The following AMBRA1 variants were observed in gnomAD, a reference collection of about 807,000 sequenced individuals.
The protein encoded by AMBRA1 is autophagy and beclin 1 regulator 1.
In AMBRA1, 47 loss-of-function variants were observed where a neutral mutation model predicts 125.4. The ratio of observed to expected loss-of-function variants is 0.37; its 90% CI spans 0.30 to 0.48. The LOEUF (loss-of-function observed/expected upper bound fraction) is 0.48, where lower values mean the gene tolerates loss of function less well. Ranked by LOEUF, AMBRA1 falls within the 20% of genes least tolerant of loss-of-function variation. The pLI is 0.99. For synonymous variants in AMBRA1, 626 were observed against 655.5 expected (o/e 0.95, Z 0.69); for missense variants, 1,331 against 1,693.4 (o/e 0.79, Z 3.76).
chr11:46,542,544 G>A lies in AMBRA1; in HGVS notation c.1473C>T (p.Asn491=). 6.2e-7 allele frequency: 1 copy of A among 1,613,244 alleles called. No individual in the cohort carries two copies. The highest frequency in any genetic ancestry group is 8.5e-7 in the Non-Finnish European group (1 of 1,180,034). The change falls in exon 7 of 18, where the codon AAC becomes AAT. Residue 491 remains asparagine, a synonymous_variant. Coordinates refer to ENST00000683756, the MANE Select transcript of AMBRA1 (RefSeq NM_001387011.1). This position sits in a 1 kb window ranked among gnomAD's most constrained non-coding sequence, Gnocchi z 5.9. Reference sequence around the variant, plus strand: ...GAAGCTCATGGCGAATGCTGCCCGAGTTGTTTTGGCTGGAGCCATTCCCTC... The same window carrying A: ...GAAGCTCATGGCGAATGCTGCCCGAATTGTTTTGGCTGGAGCCATTCCCTC... ...SDGGNGSSQN[N]SGSIRHELQC... is the part of the protein sequence containing the mutation.
chr11:46,547,773 G>T, intron 3 of AMBRA1, 44 bp downstream of exon 3: 1 of 1,563,062 alleles, frequency 6.4e-7, no homozygotes. Flanking sequence ...TATACAGAAA[G>T]CACTGTTATC....
intron 1 of AMBRA1, among the ~76,000 whole-genome samples, chr11:46,584,014 T>A (rs1347836573): frequency 1.4e-5 from 2 of 146,584 alleles, no homozygotes; most frequent in Non-Finnish European, 3.0e-5. Context: ...CCAGCCATCC[T>A]ATTACTGGGT....
chr11:46,443,462 G>A, intron 12 of AMBRA1, 26 bp downstream of exon 12: 1 of 1,577,574 alleles, frequency 6.3e-7, no homozygotes, highest in South Asian at 1.1e-5. Context: ...CCCTTCCACT[G>A]ATACCCCCAT....
At chr11:46,458,979 C>T (rs890817916) in intron 11 of AMBRA1, among the ~76,000 whole-genome samples, 5 of 152,188 alleles carry the variant, frequency 3.3e-5, no homozygotes, top group African/African-American at 1.2e-4. Context: ...ATGGCATATA[C>T]ATCCAGGAAC....
At chr11:46,493,144 C>T (rs1052086733) in intron 11 of AMBRA1, among the ~76,000 whole-genome samples, 5 of 152,168 alleles carry the variant, frequency 3.3e-5, no homozygotes, top group African/African-American at 1.2e-4. Context: ...GCTCCAAGGG[C>T]GTCTCCCTCT....
chr11:46,514,850 A>T (rs1951407863), intron 7 of AMBRA1, among the ~76,000 whole-genome samples: 1 of 152,210 alleles, frequency 6.6e-6, no homozygotes, highest in African/African-American at 2.4e-5. Context: ...AAAATACAGA[A>T]TGTGTGGGAC....
At chr11:46,547,408 G>C in intron 3 of AMBRA1, 112 bp from the exon 4 acceptor site, 1 of 933,778 alleles carries the variant, frequency 1.1e-6, no homozygotes, top group South Asian at 1.9e-5. Context: ...CAACATGAAA[G>C]AAACTAAGCT....
In AMBRA1 at chr11:46,547,890, A is replaced by G; in HGVS notation, c.136-15T>C. 1.3e-6 allele frequency: 2 copies of G among 1,598,396 alleles called. No homozygotes were observed. The highest frequency in any genetic ancestry group is 1.4e-5 in the African/African-American group (1 of 74,064). ...AGTTCTACTCTCTGGGAGACAAAAA[A>G]AAAAAAAAAGTTAAAATACATGATT... On this transcript the variant is annotated splice_polypyrimidine_tract_variant and intron_variant, in intron 2 of 17. Transcript: ENST00000683756.
At chr11:46,494,319 T>A (rs758231699) in intron 9 of AMBRA1, 115 bp from the exon 10 acceptor site, 2 of 797,872 alleles carry the variant, frequency 2.5e-6, no homozygotes, top group Admixed American at 2.3e-5. Context: ...GGACCCCACA[T>A]AAATTAGTCA....
chr11:46,439,377 T>A (rs1947890184), intron 12 of AMBRA1, among the ~76,000 whole-genome samples: 1 of 151,442 alleles, frequency 6.6e-6, no homozygotes, highest in Non-Finnish European at 1.5e-5. Context: ...GAACAGAGAG[T>A]CCAGAAATAT....
intron 4 of AMBRA1, 77 bp downstream of exon 4, chr11:46,547,036 G>GCTGCAGTGGTGC: frequency 7.2e-7 from 1 of 1,394,308 alleles, no homozygotes; most frequent in South Asian, 1.4e-5. Context: ...ACACCACTGG[G>GCTGCAGTGGTGC]CAACAGAGCG....
intron 7 of AMBRA1, among the ~76,000 whole-genome samples, chr11:46,522,600 T>G (rs1951811662): frequency 6.6e-6 from 1 of 152,222 alleles, no homozygotes; most frequent in South Asian, 2.1e-4. Flanking sequence ...TATATAGGGT[T>G]TAGAATTTAA....
At chr11:46,508,972 C>T (rs1951160296) in intron 8 of AMBRA1, among the ~76,000 whole-genome samples, 1 of 152,138 alleles carries the variant, frequency 6.6e-6, no homozygotes, top group Admixed American at 6.5e-5. Context: ...AAGAATTAGT[C>T]ATAGATATTT....
chr11:46,452,748 C>A (rs534111284), intron 11 of AMBRA1, among the ~76,000 whole-genome samples: 8 of 152,176 alleles, frequency 5.3e-5, no homozygotes, highest in Non-Finnish European at 1.2e-4. Context: ...TCTGAAATCA[C>A]AGTCAATGTA....
chr11:46,588,959 T>C (rs2044498508), intron 1 of AMBRA1, among the ~76,000 whole-genome samples: 1 of 152,144 alleles, frequency 6.6e-6, no homozygotes, highest in Non-Finnish European at 1.5e-5. Context: ...AGTATCTCTA[T>C]GGGGAAATTA....
Position 46,545,654 on chromosome 11 carries a change from T to G in AMBRA1, c.501A>C (p.Arg167=). The change falls in exon 5 of 18, where the codon CGA becomes CGC. Residue 167 remains arginine, a synonymous_variant. Coordinates refer to ENST00000683756, the MANE Select transcript of AMBRA1 (RefSeq NM_001387011.1). Reference sequence around the variant, plus strand: ...TCTTCACCACAGCAAAGGGTTCCCGTCGACTCCAGTCCCAGAAGTGGATCT... The same window carrying G: ...TCTTCACCACAGCAAAGGGTTCCCGGCGACTCCAGTCCCAGAAGTGGATCT... ...ANEIHFWDWS[R]REPFAVVKTA... is the part of the protein sequence containing the mutation. 6.2e-7 allele frequency: 1 copy of G among 1,614,130 alleles called. No individual in the cohort carries two copies. The highest frequency in any genetic ancestry group is 1.1e-5 in the South Asian group (1 of 91,080).
At chr11:46,533,889 G>A (rs1952334191) in intron 7 of AMBRA1, among the ~76,000 whole-genome samples, 2 of 151,834 alleles carry the variant, frequency 1.3e-5, no homozygotes, top group African/African-American at 4.8e-5. Flanking sequence ...CCCTTGCTGT[G>A]CTCCAGCTGC....
intron 11 of AMBRA1, among the ~76,000 whole-genome samples, chr11:46,448,953 T>C (rs994709736): frequency 6.6e-6 from 1 of 152,158 alleles, no homozygotes; most frequent in African/African-American, 2.4e-5. Flanking sequence ...ATTAATAATC[T>C]CCTAAAACAG....
chr11:46,460,906 G>A (rs1949066665), intron 11 of AMBRA1, among the ~76,000 whole-genome samples: 1 of 152,132 alleles, frequency 6.6e-6, no homozygotes, highest in African/African-American at 2.4e-5. Flanking sequence ...GGGCAACATA[G>A]TGAGACCACA....
Sources: allele counts gnomAD v4.1 joint callset (sites outside exome capture counted in the v4.1 genomes callset), GRCh38; gene constraint gnomAD v4.1.1; non-coding constraint Gnocchi (gnomAD v3.1); transcripts MANE v1.5; gene names NCBI Gene and HGNC (gene_info 2026-07-23, HGNC 2026-07-21).